RBFOX1: variants seen among roughly 807,000 people sequenced by gnomAD.
RBFOX1 encodes RNA binding fox-1 homolog 1, also known as RNA binding protein fox-1 homolog 1.
In RBFOX1, 8 loss-of-function variants were observed where a neutral mutation model predicts 57.7. The ratio of observed to expected loss-of-function variants is 0.14; its 90% CI spans 0.08 to 0.25. The LOEUF (loss-of-function observed/expected upper bound fraction) is 0.25. Among genes scored for constraint, RBFOX1 ranks in the 10% least tolerant of loss-of-function variants. The pLI, the probability that RBFOX1 is intolerant of heterozygous loss-of-function variation, is 1.00. For synonymous variants in RBFOX1, 326 were observed against 222.4 expected (o/e 1.47, Z -4.15); for missense variants, 611 against 548.5 (o/e 1.11, Z -1.14).
At chr16:5,429,167 T>G (rs556079) in intron 1 of RBFOX1, among the ~76,000 whole-genome samples, 87,064 of 151,916 alleles carry the variant, frequency 0.57, 25,083 homozygotes, top group East Asian at 0.68. Context: ...CTCTGTTAAG[T>G]CCCTTCCAGC....
intron 4 of RBFOX1, among the ~76,000 whole-genome samples, chr16:5,895,584 G>A (rs1485277707): frequency 2.0e-5 from 3 of 152,186 alleles, no homozygotes; most frequent in Admixed American, 6.5e-5. Flanking sequence ...TGTGGCCCAG[G>A]GCATAGGAAG....
At chr16:6,698,228 C>T (rs13337759) in intron 3 of RBFOX1, among the ~76,000 whole-genome samples, 12,048 of 152,216 alleles carry the variant, frequency 0.079, 518 homozygotes, top group African/African-American at 0.096. Flanking sequence ...ATGTAAATAT[C>T]ATTATGTAAA....
chr16:6,277,098 C>A (rs146747832), intron 1 of RBFOX1, among the ~76,000 whole-genome samples: 1 of 152,220 alleles, frequency 6.6e-6, no homozygotes, highest in East Asian at 1.9e-4. Context: ...AGTACTGTAC[C>A]AGACACAATT....
At chr16:7,349,910 G>A (rs1193446231) in intron 4 of RBFOX1, among the ~76,000 whole-genome samples, 1 of 152,324 alleles carries the variant, frequency 6.6e-6, no homozygotes, top group Non-Finnish European at 1.5e-5. Flanking sequence ...ACTTTGGGAG[G>A]CCGAGGTGGG....
intron 4 of RBFOX1, among the ~76,000 whole-genome samples, chr16:7,275,439 C>T (rs1325026969): frequency 6.6e-6 from 1 of 152,210 alleles, no homozygotes; most frequent in African/African-American, 2.4e-5. Context: ...ATTCTCCAGA[C>T]ATTAACATAA....
At chr16:6,658,398 G>T (rs929057262) in intron 3 of RBFOX1, among the ~76,000 whole-genome samples, 2 of 151,760 alleles carry the variant, frequency 1.3e-5, no homozygotes, top group South Asian at 2.1e-4. Context: ...TAGTAGAGGT[G>T]GGGTTTTACC....
intron 11 of RBFOX1, among the ~76,000 whole-genome samples, chr16:7,641,249 C>G (rs1232384868): frequency 6.6e-6 from 1 of 152,166 alleles, no homozygotes; most frequent in Non-Finnish European, 1.5e-5. Flanking sequence ...TATTTCTTTT[C>G]TAAAATAAAT....
At chr16:6,499,569 C>G (rs2095859070) in intron 2 of RBFOX1, among the ~76,000 whole-genome samples, 1 of 152,002 alleles carries the variant, frequency 6.6e-6, no homozygotes, top group Non-Finnish European at 1.5e-5. Flanking sequence ...AGCCATGATT[C>G]CAAGACAGAG....
chr16:5,466,401 G>C (rs2068954358), intron 1 of RBFOX1, among the ~76,000 whole-genome samples: 1 of 152,088 alleles, frequency 6.6e-6, no homozygotes, highest in African/African-American at 2.4e-5. Flanking sequence ...GGAGGAGTTG[G>C]GTCCTGACCC....
chr16:7,232,903 A>C (rs1221935344), intron 4 of RBFOX1, among the ~76,000 whole-genome samples: 1 of 151,310 alleles, frequency 6.6e-6, no homozygotes, highest in Non-Finnish European at 1.5e-5. Context: ...GAACTTACCT[A>C]GCACATGATG....
chr16:6,953,272 T>G (rs920165905), intron 3 of RBFOX1, among the ~76,000 whole-genome samples: 1 of 152,172 alleles, frequency 6.6e-6, no homozygotes, highest in South Asian at 2.1e-4. Flanking sequence ...TTCAAACATA[T>G]ACACCGAAAT....
intron 2 of RBFOX1, among the ~76,000 whole-genome samples, chr16:6,607,227 A>C (rs1050248555): frequency 2.0e-5 from 3 of 152,188 alleles, no homozygotes; most frequent in African/African-American, 7.2e-5. Context: ...AAGATATCAG[A>C]ATGTGCTTTG....
In RBFOX1 at chr16:5,291,411, C is replaced by T. The variant is rs564347751; in HGVS notation, c.219+51306C>T. Among the ~76,000 whole-genome samples, 11 of 152,162 alleles carry T rather than the reference C, an allele frequency of 7.2e-5. No individual in the cohort carries two copies. In the East Asian group the frequency reaches 1.9e-3, roughly 27 times the overall value. Reference sequence around the variant, plus strand: ...CCGAGTAGCTGGGACTACAGGCACCCGCCACCACGCCCTGCTAATTTTTTT... The same window carrying T: ...CCGAGTAGCTGGGACTACAGGCACCTGCCACCACGCCCTGCTAATTTTTTT... On this transcript the variant is annotated intron_variant, in intron 1 of 2. Transcript: ENST00000585867.
At chr16:6,799,682 C>T (rs1201483545) in intron 3 of RBFOX1, among the ~76,000 whole-genome samples, 1 of 152,120 alleles carries the variant, frequency 6.6e-6, no homozygotes, top group African/African-American at 2.4e-5. Flanking sequence ...GTGGGATGAG[C>T]TAGTTTGCTG....
At chr16:7,704,960 C>G (rs562132373) in intron 14 of RBFOX1, among the ~76,000 whole-genome samples, 4 of 150,484 alleles carry the variant, frequency 2.7e-5, no homozygotes, top group Non-Finnish European at 5.9e-5. Flanking sequence ...GGCAGAATCG[C>G]TTGAACCCAG....
At chr16:6,724,812 G>T (rs1420939555) in intron 3 of RBFOX1, among the ~76,000 whole-genome samples, 1 of 151,986 alleles carries the variant, frequency 6.6e-6, no homozygotes, top group Admixed American at 6.6e-5. Flanking sequence ...GTACCATTGT[G>T]ATTTGCTTCA....
intron 3 of RBFOX1, among the ~76,000 whole-genome samples, chr16:5,722,481 G>A (rs942167420): frequency 3.9e-5 from 6 of 152,124 alleles, no homozygotes; most frequent in African/African-American, 4.8e-5. Context: ...TAGACTCAGC[G>A]CGATCATCTA....
At chr16:6,606,598 G>A (rs1303848679) in intron 2 of RBFOX1, among the ~76,000 whole-genome samples, 5 of 152,040 alleles carry the variant, frequency 3.3e-5, no homozygotes, top group Admixed American at 2.6e-4. Flanking sequence ...CTCCCACCTG[G>A]AAGTGAGAAC....
chr16:5,958,754 G>C (rs962637567), intron 4 of RBFOX1, among the ~76,000 whole-genome samples: 1 of 152,094 alleles, frequency 6.6e-6, no homozygotes, highest in African/African-American at 2.4e-5. Flanking sequence ...TCTATTCCTT[G>C]CCTTGTCTAG....
Sources: allele counts gnomAD v4.1 joint callset (sites outside exome capture counted in the v4.1 genomes callset), GRCh38; gene constraint gnomAD v4.1.1; transcripts MANE v1.5; gene names NCBI Gene and HGNC (gene_info 2026-07-23, HGNC 2026-07-21).